Variants in FAM13A observed in about 807,000 individuals in gnomAD.
FAM13A encodes protein FAM13A.
A neutral mutation model predicts 129.6 loss-of-function variants in FAM13A; 76 were observed. The ratio of observed to expected loss-of-function variants is 0.59; its 90% CI spans 0.49 to 0.71. The LOEUF (loss-of-function observed/expected upper bound fraction) is 0.71. Ranked by LOEUF, FAM13A falls within the 30% of genes least tolerant of loss-of-function variation. The pLI is 0.00. For synonymous variants in FAM13A, 443 were observed against 449.9 expected (o/e 0.98, Z 0.20); for missense variants, 1,108 against 1,249.3 (o/e 0.89, Z 1.70).
At chr4:88,789,620 G>C (rs1448548830) in intron 9 of FAM13A, among the ~76,000 whole-genome samples, 1 of 152,154 alleles carries the variant, frequency 6.6e-6, no homozygotes, top group Non-Finnish European at 1.5e-5. Context: ...AGGCAGTAGG[G>C]AGATAGCAAT....
At chr4:88,732,596 A>G (rs541095754) in intron 21 of FAM13A, 15 of 156,344 alleles carry the variant, frequency 9.6e-5, no homozygotes, top group Non-Finnish European at 2.0e-4. Flanking sequence ...CAGTGCTTGA[A>G]AGGATTCTAC....
At chr4:88,998,927 C>G (rs1330486105) in intron 3 of FAM13A, among the ~76,000 whole-genome samples, 1 of 152,102 alleles carries the variant, frequency 6.6e-6, no homozygotes, top group Non-Finnish European at 1.5e-5. Flanking sequence ...TCTCAGAGGC[C>G]TCACGTAAAT....
At chr4:89,031,162 G>A (rs890188255) in intron 1 of FAM13A, among the ~76,000 whole-genome samples, 6 of 151,882 alleles carry the variant, frequency 4.0e-5, no homozygotes, top group Admixed American at 3.9e-4. Context: ...TCTTTTTCTT[G>A]TAGGTTTATA....
chr4:88,740,142 C>G (rs1339157025), intron 19 of FAM13A, among the ~76,000 whole-genome samples: 1 of 152,186 alleles, frequency 6.6e-6, no homozygotes, highest in Admixed American at 6.5e-5. Context: ...CCTGCCATGG[C>G]TTCCTCTTTG....
At chr4:88,771,351 G>GTGTAA (rs1450042348) in intron 11 of FAM13A, among the ~76,000 whole-genome samples, 1 of 152,110 alleles carries the variant, frequency 6.6e-6, no homozygotes, top group African/African-American at 2.4e-5. Flanking sequence ...GAAGGGAAAA[G>GTGTAA]TGTAATGTAC....
At chr4:88,787,670 C>G in intron 10 of FAM13A, 83 bp downstream of exon 10, 1 of 1,339,308 alleles carries the variant, frequency 7.5e-7, no homozygotes, top group Non-Finnish European at 1.0e-6. Flanking sequence ...GGAGGTATGA[C>G]TATAACACAG....
chr4:88,738,113 T>C (rs1739395281), intron 20 of FAM13A, among the ~76,000 whole-genome samples: 3 of 152,210 alleles, frequency 2.0e-5, no homozygotes, highest in Non-Finnish European at 4.4e-5. Context: ...CTCTGGACCC[T>C]CCTTTCTTCA....
At chr4:88,771,956 T>G (rs895065883) in intron 11 of FAM13A, among the ~76,000 whole-genome samples, 1 of 152,222 alleles carries the variant, frequency 6.6e-6, no homozygotes, top group African/African-American at 2.4e-5. Context: ...ATTGTGGAAT[T>G]TGTTTTTGAT....
At chr4:89,049,604 C>T (rs914913729) in intron 1 of FAM13A, among the ~76,000 whole-genome samples, 3 of 152,298 alleles carry the variant, frequency 2.0e-5, no homozygotes, top group South Asian at 2.1e-4. Context: ...ATTTTCATTG[C>T]CACTGTCTAC....
At chr4:88,790,785 T>C (rs1196955558) in intron 8 of FAM13A, among the ~76,000 whole-genome samples, 158 bp from the exon 9 acceptor site, 2 of 152,138 alleles carry the variant, frequency 1.3e-5, no homozygotes, top group Non-Finnish European at 2.9e-5. Context: ...TCATTTTCAC[T>C]TGTTTCTAGA....
chr4:88,802,866 G>C (rs1727772919), intron 8 of FAM13A, among the ~76,000 whole-genome samples: 1 of 152,104 alleles, frequency 6.6e-6, no homozygotes, highest in Non-Finnish European at 1.5e-5. Flanking sequence ...CTATACCCGA[G>C]GGCCGCTATG....
At chr4:88,960,997 T>G (rs2148914016) in intron 4 of FAM13A, among the ~76,000 whole-genome samples, 1 of 152,306 alleles carries the variant, frequency 6.6e-6, no homozygotes, top group African/African-American at 2.4e-5. Flanking sequence ...TCTTAACACT[T>G]TTTAAAGAGG....
chr4:88,782,858 T>G (rs1560980249), intron 10 of FAM13A, among the ~76,000 whole-genome samples: 1 of 152,208 alleles, frequency 6.6e-6, no homozygotes, highest in African/African-American at 2.4e-5. Flanking sequence ...CAGTGCCTTC[T>G]GTGGGTGGCT....
intron 1 of FAM13A, among the ~76,000 whole-genome samples, chr4:89,035,163 G>A (rs548075926): frequency 5.1e-4 from 78 of 152,240 alleles, no homozygotes; most frequent in Admixed American, 9.8e-4. Context: ...TATAGTGGGA[G>A]CGAAACACTG....
intron 6 of FAM13A, among the ~76,000 whole-genome samples, chr4:88,892,127 T>C (rs1277553453): frequency 1.3e-5 from 2 of 150,786 alleles, no homozygotes; most frequent in African/African-American, 2.4e-5. Flanking sequence ...TGAGCTAAGA[T>C]TGAGCTGCTG....
At chr4:88,834,552 CTAAA>C (rs1392187534) in intron 7 of FAM13A, among the ~76,000 whole-genome samples, 4 of 151,964 alleles carry the variant, frequency 2.6e-5, no homozygotes, top group African/African-American at 9.7e-5. Flanking sequence ...ATTTTACACT[CTAAA>C]TATATACAAT....
chr4:88,955,492 T>A (rs1757610083), intron 4 of FAM13A, among the ~76,000 whole-genome samples: 1 of 152,094 alleles, frequency 6.6e-6, no homozygotes, highest in East Asian at 1.9e-4. Flanking sequence ...TGGTACCGGG[T>A]AGTGGAGCGC....
intron 5 of FAM13A, among the ~76,000 whole-genome samples, chr4:88,922,402 C>CA (rs1751274967): frequency 6.6e-6 from 1 of 152,068 alleles, no homozygotes; most frequent in Non-Finnish European, 1.5e-5. Context: ...GAAACTCACT[C>CA]AAAACCGCTC....
intron 5 of FAM13A, among the ~76,000 whole-genome samples, chr4:88,924,240 C>A (rs938801821): frequency 6.6e-6 from 1 of 152,198 alleles, no homozygotes; most frequent in Admixed American, 6.5e-5. Context: ...GAGCCCGCAT[C>A]GCCAAGTCAA....
Sources: allele counts gnomAD v4.1 joint callset (sites outside exome capture counted in the v4.1 genomes callset), GRCh38; gene constraint gnomAD v4.1.1; transcripts MANE v1.5; gene names NCBI Gene and HGNC (gene_info 2026-07-23, HGNC 2026-07-21).